The following ZNF350 variants were observed in gnomAD, a reference collection of about 807,000 sequenced individuals.
ZNF350 encodes zinc finger protein 350.
ZNF350 carries 5 observed loss-of-function variants against 13.1 expected under a neutral mutation model. The observed-to-expected ratio is 0.38, with a 90% confidence interval of 0.20 to 0.80. ZNF350 has a LOEUF of 0.80. Ranked by LOEUF, ZNF350 falls within the 30% of genes least tolerant of loss-of-function variation. The probability of loss-of-function intolerance (pLI) is 0.43; values close to 1 mark genes in which losing one functional copy is unlikely to be tolerated. For missense variants in ZNF350, 534 were observed against 644.2 expected, an observed-to-expected ratio of 0.83 and a Z score of 1.85; for synonymous variants, 199 against 224.2, an observed-to-expected ratio of 0.89 and a Z score of 1.00.
Position 51,969,226 on chromosome 19 carries a change from G to A in ZNF350, c.16-95C>T, listed in dbSNP as rs567964993. The A allele has an allele frequency of 2.2e-5, 32 of 1,440,536 alleles. No individual in the cohort carries two copies. In the East Asian group the frequency reaches 6.8e-4, roughly 30 times the overall value. The allele number at this position is 1,440,536 out of a possible 1,614,324, so 89.2% of individuals were successfully genotyped here. On this transcript the variant is annotated intron_variant, in intron 2 of 4. Coordinates refer to ENST00000243644, the MANE Select transcript of ZNF350 (RefSeq NM_021632.4). ...TGCTCATTTCCACTCTACAGGCTGT[G>A]TGCATATACCAAATAGTTTTTTTTT...
intron 1 of ZNF350, among the ~76,000 whole-genome samples, chr19:51,977,811 A>G (rs1599950009): frequency 6.6e-6 from 1 of 152,124 alleles, no homozygotes; most frequent in Non-Finnish European, 1.5e-5. Flanking sequence ...AAATTTTCTC[A>G]GAGCTTGTCA....
Position 51,969,087 on chromosome 19 carries a change from CT to C in ZNF350, c.59del (p.Glu20GlyfsTer17), listed in dbSNP as rs1447478573. 1 of 1,614,106 alleles carries C rather than the reference CT, an allele frequency of 6.2e-7. No individual in the cohort carries two copies. The highest frequency in any genetic ancestry group is 8.5e-7 in the Non-Finnish European group (1 of 1,179,998). ...LEDVAVDFTW[E>X]EWQLLGAAQK... ...GAGCAGCGCCCAGGAGTTGCCACTC[CT>C]CCCAAGTGAAGTCCACAGCCACATC... On this transcript the variant is annotated frameshift_variant, in exon 3 of 5. Transcript: ENST00000243644. LOFTEE classifies it high-confidence loss of function.
At chr19:51,969,280 A>G (rs2085666823) in intron 2 of ZNF350, 149 bp from the exon 3 acceptor site, 8 of 844,502 alleles carry the variant, frequency 9.5e-6, no homozygotes, top group Non-Finnish European at 1.1e-5. Flanking sequence ...GTAAAGTCCT[A>G]ATATAATATT....
intron 2 of ZNF350, among the ~76,000 whole-genome samples, chr19:51,970,569 C>T (rs1168691139): frequency 1.3e-5 from 2 of 152,016 alleles, no homozygotes; most frequent in Non-Finnish European, 2.9e-5. Context: ...GGAGGGCCAA[C>T]CATATATCAC....
chr19:51,968,520 C>G, intron 4 of ZNF350, 58 bp downstream of exon 4: 1 of 1,494,350 alleles, frequency 6.7e-7, no homozygotes, highest in Non-Finnish European at 9.3e-7. Context: ...GCTGTGCTGC[C>G]TTCTCTGACT....
At chr19:51,981,346 C>T (rs2086037791) in intron 1 of ZNF350, 1 of 151,708 alleles carries the variant, frequency 6.6e-6, no homozygotes, top group Non-Finnish European at 1.5e-5. Context: ...AAGGTGCTCC[C>T]TGACCCCTTC....
At chr19:51,981,513 T>G (rs919243113) in intron 1 of ZNF350, 1 of 152,208 alleles carries the variant, frequency 6.6e-6, no homozygotes, top group Non-Finnish European at 1.5e-5. Flanking sequence ...CAGGCTGGCC[T>G]TCAACTCCGG....
chr19:51,983,375 G>A (rs770561836), intron 1 of ZNF350, among the ~76,000 whole-genome samples: 11 of 152,150 alleles, frequency 7.2e-5, no homozygotes, highest in Admixed American at 3.3e-4. Context: ...CCCAACACTC[G>A]TAAAGGGTCT....
At chr19:51,985,863 C>A (rs1171475516) in intron 1 of ZNF350, among the ~76,000 whole-genome samples, 1 of 151,978 alleles carries the variant, frequency 6.6e-6, no homozygotes, top group East Asian at 1.9e-4. Context: ...AAAAACTAGC[C>A]GGGCGTGGTG....
chr19:51,983,593 G>A (rs747509670), intron 1 of ZNF350, among the ~76,000 whole-genome samples: 23 of 152,286 alleles, frequency 1.5e-4, no homozygotes, highest in Non-Finnish European at 2.9e-4. Context: ...TAAGATGTCT[G>A]TGTAAAGTCA....
At chr19:51,985,581 G>C (rs910091659) in intron 1 of ZNF350, among the ~76,000 whole-genome samples, 5 of 152,168 alleles carry the variant, frequency 3.3e-5, no homozygotes, top group African/African-American at 1.2e-4. Context: ...CAGCAAGATT[G>C]GCTAAGACCA....
intron 1 of ZNF350, chr19:51,981,046 C>G (rs1268450670): frequency 1.3e-5 from 2 of 152,206 alleles, no homozygotes; most frequent in Admixed American, 6.5e-5. Flanking sequence ...GCCTGTGGGA[C>G]GTGACCAACT....
At position 51,964,805 on chromosome 19, in the gene ZNF350, A is replaced by T; in HGVS notation, c.*49T>A. The T allele has an allele frequency of 6.4e-7, 1 of 1,560,754 alleles. No homozygotes were observed. Among genetic ancestry groups the T allele is most frequent in the Non-Finnish European group, 8.7e-7 (1 of 1,151,858 alleles). ...TGTATGCTTTTCGGCCACATAATGA[A>T]CTACAAATTTTTGCTCAACCCTTTT... On this transcript the variant is annotated 3_prime_UTR_variant, in exon 5 of 5. Transcript: ENST00000243644.
At chr19:51,977,132 C>T (rs1362374039) in intron 1 of ZNF350, among the ~76,000 whole-genome samples, 1 of 152,186 alleles carries the variant, frequency 6.6e-6, no homozygotes, top group Non-Finnish European at 1.5e-5. Flanking sequence ...TAATGCTCTG[C>T]TGCCATAGCT....
Position 51,976,174 on chromosome 19 carries a change from G to A in ZNF350, c.-171-1643C>T, listed in dbSNP as rs1017882533. On this transcript the variant is annotated intron_variant, in intron 1 of 4. Coordinates refer to ENST00000243644, the MANE Select transcript of ZNF350 (RefSeq NM_021632.4). This position sits in a 1 kb window ranked among gnomAD's most constrained non-coding sequence, Gnocchi z 4.5. ...GACCCCTGGCGCCGTTATCTACTGC[G>A]ACATCTAGAGAATGCAGTCTTGCAA... Among the ~76,000 whole-genome samples, 5 of 151,308 alleles carry A rather than the reference G, an allele frequency of 3.3e-5. No homozygotes were observed. Among genetic ancestry groups the A allele is most frequent in the Admixed American group, 6.6e-5 (1 of 15,192 alleles).
Position 51,965,545 on chromosome 19 carries a change from C to T in ZNF350, c.908G>A (p.Gly303Glu), listed in dbSNP as rs1186729652. Residue 303 changes from glycine to glutamate, a missense_variant, in exon 5 of 5, where the codon GGA becomes GAA. Transcript: ENST00000243644. The stretch of plus-strand genomic sequence containing the variant: ...AATTCGCTGGTGTACAATGAGATTT[C>T]CTTTCTGGATGAAGCCTTTTCCACA... ...SECGKGFIQK[G>E]NLIVHQRIHT... The T allele has an allele frequency of 6.2e-7, 1 of 1,614,082 alleles. No individual in the cohort carries two copies. Among genetic ancestry groups the T allele is most frequent in the Admixed American group, 1.7e-5 (1 of 60,014 alleles).
Position 51,965,921 on chromosome 19 carries a change from A to G in ZNF350, c.532T>C (p.Phe178Leu). The change falls in exon 5 of 5, where the codon TTC (phenylalanine) becomes CTC (leucine). Residue 178 changes from phenylalanine (F) to leucine (L), a missense_variant. Physicochemically the swap from Phe to Leu is conservative, Grantham distance 22 (BLOSUM62 0). Transcript: ENST00000243644. ...CTGATGAGTTTTTGACTTGCAGGGA[A>G]TTTAATTGCAGTATGAAGTCGTTCA... ...NHERLHTAIK[F>L]PASQKLISTK... 1.2e-6 allele frequency: 2 copies of G among 1,614,050 alleles called. No homozygotes were observed. Among genetic ancestry groups the G allele is most frequent in the Non-Finnish European group, 1.7e-6 (2 of 1,180,028 alleles).
intron 4 of ZNF350, among the ~76,000 whole-genome samples, chr19:51,966,643 T>TG (rs1443803505): frequency 2.2e-4 from 32 of 142,670 alleles, no homozygotes; most frequent in South Asian, 4.8e-4. Context: ...AAGTATTTTT[T>TG]GTTGTTTTTT....
chr19:51,986,438 C>T (rs946640975), intron 1 of ZNF350: 2 of 152,684 alleles, frequency 1.3e-5, no homozygotes, highest in African/African-American at 4.8e-5. Flanking sequence ...CAAATTAAAT[C>T]CTGAACCCGA....
Sources: allele counts gnomAD v4.1 joint callset (sites outside exome capture counted in the v4.1 genomes callset), GRCh38; gene constraint gnomAD v4.1.1; non-coding constraint Gnocchi (gnomAD v3.1); transcripts MANE v1.5; gene names NCBI Gene and HGNC (gene_info 2026-07-23, HGNC 2026-07-21).